TMEM135: variants seen among roughly 807,000 people sequenced by gnomAD.
TMEM135 encodes the protein peroxisomal membrane protein 52.
Under a neutral mutation model 60.3 loss-of-function variants are expected in TMEM135, and 30 were observed. The ratio of observed to expected loss-of-function variants is 0.50; its 90% confidence interval spans 0.37 to 0.68. The LOEUF is 0.68. Ranked by LOEUF, TMEM135 falls within the 30% of genes least tolerant of loss-of-function variation. The pLI, the probability that TMEM135 is intolerant of heterozygous loss-of-function variation, is 0.00. For synonymous variants in TMEM135, 190 were observed against 186.7 expected (o/e 1.02, Z -0.14); for missense variants, 468 against 548.8 (o/e 0.85, Z 1.47).
intron 1 of TMEM135, among the ~76,000 whole-genome samples, chr11:87,061,282 T>C (rs1311988476): frequency 2.0e-5 from 3 of 152,178 alleles, no homozygotes; most frequent in Non-Finnish European, 2.9e-5. Context: ...CATTTAACAA[T>C]GTAGGCATTT....
chr11:87,202,449 C>T (rs1940134624), intron 5 of TMEM135, among the ~76,000 whole-genome samples: 1 of 152,136 alleles, frequency 6.6e-6, no homozygotes, highest in Non-Finnish European at 1.5e-5. Context: ...CCTCAGCCTC[C>T]TGAACAGCTG....
chr11:87,193,158 A>G (rs1939856275), intron 5 of TMEM135, among the ~76,000 whole-genome samples: 1 of 152,144 alleles, frequency 6.6e-6, no homozygotes, highest in Non-Finnish European at 1.5e-5. Flanking sequence ...ATCATATATA[A>G]TAGGCCATCA....
chr11:87,109,220 A>G (rs1044860377), intron 4 of TMEM135, among the ~76,000 whole-genome samples: 1 of 152,142 alleles, frequency 6.6e-6, no homozygotes, highest in Non-Finnish European at 1.5e-5. Context: ...GTCCCCCTTT[A>G]TCTGCCGCTA....
At chr11:87,122,686 T>C (rs1829362) in intron 4 of TMEM135, among the ~76,000 whole-genome samples, 72,334 of 151,712 alleles carry the variant, frequency 0.48, 17,531 homozygotes, top group East Asian at 0.67. Flanking sequence ...ATCTCAAACT[T>C]CTGACCTCAG....
Position 87,296,700 on chromosome 11 carries a change from A to T in TMEM135, c.551+877A>T, listed in dbSNP as rs142307869. 8.4e-3 allele frequency among the ~76,000 whole-genome samples: 1,277 copies of T among 152,298 alleles called. 7 individuals carry two copies. Among genetic ancestry groups the T allele is most frequent in the Non-Finnish European group, 0.013 (890 of 68,020 alleles). Reference sequence around the variant, plus strand: ...TTTCAAACAGTGGCTGGCATGGAGTAAATACTCCAGAAATGTTGGATATTA... The same window carrying T: ...TTTCAAACAGTGGCTGGCATGGAGTTAATACTCCAGAAATGTTGGATATTA... On this transcript the variant is annotated intron_variant, in intron 7 of 14. Coordinates refer to ENST00000305494, the MANE Select transcript of TMEM135 (RefSeq NM_022918.4).
intron 6 of TMEM135, among the ~76,000 whole-genome samples, chr11:87,249,566 T>G (rs75040387): frequency 0.13 from 20,255 of 152,114 alleles, 1,669 homozygotes; most frequent in African/African-American, 0.24. Flanking sequence ...GGTTTTCTGT[T>G]TTTTTGATGT....
At chr11:87,047,049 A>AG (rs1949802567) in intron 1 of TMEM135, among the ~76,000 whole-genome samples, 1 of 152,178 alleles carries the variant, frequency 6.6e-6, no homozygotes, top group African/African-American at 2.4e-5. Flanking sequence ...ATAACTCTCC[A>AG]GGGACTTTCC....
At chr11:87,171,938 C>T (rs1384781294) in intron 5 of TMEM135, among the ~76,000 whole-genome samples, 1 of 152,100 alleles carries the variant, frequency 6.6e-6, no homozygotes, top group Admixed American at 6.6e-5. Flanking sequence ...GACAGGAGGC[C>T]AAGCTCAGGC....
intron 1 of TMEM135, among the ~76,000 whole-genome samples, chr11:87,064,686 C>A (rs1856612696): frequency 6.6e-6 from 1 of 152,168 alleles, no homozygotes; most frequent in Non-Finnish European, 1.5e-5. Context: ...AGTTCGAGAC[C>A]AGCCTGACCA....
intron 5 of TMEM135, among the ~76,000 whole-genome samples, chr11:87,218,361 T>C (rs1000831710): frequency 1.3e-5 from 2 of 152,156 alleles, no homozygotes; most frequent in African/African-American, 4.8e-5. Context: ...AACACTTACT[T>C]TGAACAGATT....
intron 5 of TMEM135, among the ~76,000 whole-genome samples, chr11:87,223,941 A>G (rs551271317): frequency 3.9e-5 from 6 of 152,330 alleles, no homozygotes; most frequent in Admixed American, 6.5e-5. Flanking sequence ...ACTGAGTATG[A>G]AAAGAGGAAT....
intron 9 of TMEM135, 53 bp from the exon 10 acceptor site, chr11:87,309,452 C>A: frequency 6.3e-7 from 1 of 1,599,442 alleles, no homozygotes; most frequent in South Asian, 1.1e-5. Context: ...CGTATTCTAT[C>A]AAAAACTTCA....
intron 9 of TMEM135, among the ~76,000 whole-genome samples, chr11:87,307,380 CAAAAA>C (rs5793247): frequency 7.3e-6 from 1 of 137,928 alleles, no homozygotes; most frequent in Non-Finnish European, 1.6e-5. Flanking sequence ...TTAAAGTGGC[CAAAAA>C]AAAAAAAAAA....
At chr11:87,253,646 T>TCCTGGTGTAC (rs145095035) in intron 6 of TMEM135, among the ~76,000 whole-genome samples, 2 of 2,196 alleles carry the variant, frequency 9.1e-4, no homozygotes, top group African/African-American at 3.6e-3. Context: ...TATATATATA[T>TCCTGGTGTAC]ATATATATAT....
Position 87,293,484 on chromosome 11 carries a change from G to T in TMEM135, c.510-2298G>T, listed in dbSNP as rs1055071748. On this transcript the variant is annotated intron_variant, in intron 6 of 14. Transcript: ENST00000305494. Reference sequence around the variant, plus strand: ...GCCATGGTGGTTTGCTGCACCTATCGAGCAGTCCTCCAACTTCCCTCCCCT... The same window carrying T: ...GCCATGGTGGTTTGCTGCACCTATCTAGCAGTCCTCCAACTTCCCTCCCCT... Among the ~76,000 whole-genome samples the T allele has an allele frequency of 3.3e-5, 5 of 151,572 alleles. 1 individual carries two copies.
At chr11:87,235,936 T>G (rs1416239862) in intron 5 of TMEM135, among the ~76,000 whole-genome samples, 1 of 151,906 alleles carries the variant, frequency 6.6e-6, no homozygotes, top group Non-Finnish European at 1.5e-5. Flanking sequence ...AATATTGTAT[T>G]TTTATGAGCT....
chr11:87,195,968 A>G (rs955305978), intron 5 of TMEM135, among the ~76,000 whole-genome samples: 2 of 152,178 alleles, frequency 1.3e-5, no homozygotes, highest in Non-Finnish European at 2.9e-5. Context: ...ACTTAGTTTG[A>G]CACAGATGCT....
At chr11:87,290,142 C>A (rs969719842) in intron 6 of TMEM135, among the ~76,000 whole-genome samples, 16 of 132,056 alleles carry the variant, frequency 1.2e-4, no homozygotes, top group Non-Finnish European at 1.8e-4. Context: ...ACTGAGTAGA[C>A]AATAAAAAAA....
chr11:87,122,390 A>C (rs1401484405), intron 4 of TMEM135, among the ~76,000 whole-genome samples: 1 of 149,020 alleles, frequency 6.7e-6, no homozygotes, highest in Admixed American at 6.6e-5. Context: ...GTCATCATAA[A>C]ATCATAAAAA....
Sources: allele counts gnomAD v4.1 joint callset (sites outside exome capture counted in the v4.1 genomes callset), GRCh38; gene constraint gnomAD v4.1.1; transcripts MANE v1.5; gene names NCBI Gene and HGNC (gene_info 2026-07-23, HGNC 2026-07-21).